DRD3: variants seen among roughly 807,000 people sequenced by gnomAD.
DRD3 encodes dopamine receptor D3, also known as D(3) dopamine receptor.
A neutral mutation model predicts 36.3 loss-of-function variants in DRD3; 19 were observed. The ratio of observed to expected loss-of-function variants is 0.52; its 90% CI spans 0.36 to 0.77. The LOEUF (loss-of-function observed/expected upper bound fraction) is 0.77, where lower values mean the gene tolerates loss of function less well. Among genes scored for constraint, DRD3 ranks in the 30% least tolerant of loss-of-function variants. DRD3 has a pLI of 0.00. For synonymous variants in DRD3, 195 were observed against 203.7 expected, an observed-to-expected ratio of 0.96 and a Z score of 0.36; for missense variants, 465 against 505.3, an observed-to-expected ratio of 0.92 and a Z score of 0.77.
intron 4 of DRD3, among the ~76,000 whole-genome samples, chr3:114,140,176 C>A (rs1162405500): frequency 2.0e-5 from 3 of 152,142 alleles, no homozygotes; most frequent in Non-Finnish European, 4.4e-5. Flanking sequence ...AAGGAAGAAG[C>A]CTTATTTGCT....
intron 3 of DRD3, among the ~76,000 whole-genome samples, chr3:114,153,588 G>T (rs2077638268): frequency 6.6e-6 from 1 of 151,772 alleles, no homozygotes; most frequent in African/African-American, 2.4e-5. Context: ...GAGAACTGAG[G>T]CTCTGACAGG....
chr3:114,177,344 A>G (rs937160130), intron 1 of DRD3, among the ~76,000 whole-genome samples: 6 of 152,162 alleles, frequency 3.9e-5, no homozygotes, highest in Non-Finnish European at 5.9e-5. Context: ...GCACATTTAC[A>G]TTGTTGGTAA....
chr3:114,183,784 T>A (rs1293353265), upstream of DRD3, among the ~76,000 whole-genome samples: 1 of 152,142 alleles, frequency 6.6e-6, no homozygotes, highest in African/African-American at 2.4e-5. Flanking sequence ...TCCTTTTCCA[T>A]CTTTTCACTT....
Position 114,139,917 on chromosome 3 carries a change from C to CA in DRD3, c.527-222dup, listed in dbSNP as rs1267117056. 5.9e-5 allele frequency among the ~76,000 whole-genome samples: 9 copies of CA among 152,188 alleles called. No homozygotes were observed. The South Asian group carries it at 8.3e-4, about 14-fold the overall frequency. ...CTTGCTTAAAATAAAAAGTTACCAACAATCATACGCCAGACACTGGGGCTA... is the reference window on the plus strand; with the variant it reads ...CTTGCTTAAAATAAAAAGTTACCAACAAATCATACGCCAGACACTGGGGCTA... On this transcript the variant is annotated intron_variant, in intron 4 of 6. Transcript: ENST00000383673.
At chr3:114,175,626 G>C (rs1272915435) in intron 1 of DRD3, among the ~76,000 whole-genome samples, 1 of 152,138 alleles carries the variant, frequency 6.6e-6, no homozygotes, top group Non-Finnish European at 1.5e-5. Flanking sequence ...CTGCTATAAA[G>C]GATCTAAGAT....
chr3:114,131,052 A>G (rs1361348266), intron 6 of DRD3, 66 bp downstream of exon 6: 32 of 1,539,850 alleles, frequency 2.1e-5, no homozygotes, highest in East Asian at 4.5e-5. Flanking sequence ...AGCATCTTCT[A>G]CCAGCTCCAC....
At chr3:114,166,897 A>G (rs2077790705) in intron 2 of DRD3, among the ~76,000 whole-genome samples, 1 of 152,236 alleles carries the variant, frequency 6.6e-6, no homozygotes, top group Non-Finnish European at 1.5e-5. Flanking sequence ...GACTTTTATC[A>G]AAATCCAGAG....
At chr3:114,185,893 T>C (rs6794036) in intron 1 of DRD3, among the ~76,000 whole-genome samples, 3,863 of 152,266 alleles carry the variant, frequency 0.025, 180 homozygotes, top group African/African-American at 0.088. Flanking sequence ...CCCAGGCTGG[T>C]GTCTTGTAAT....
chr3:114,150,864 T>A (rs2077610969), intron 3 of DRD3, among the ~76,000 whole-genome samples: 1 of 152,188 alleles, frequency 6.6e-6, no homozygotes, highest in Non-Finnish European at 1.5e-5. Flanking sequence ...GTGCATCTTG[T>A]TGTAGAGTAG....
intron 1 of DRD3, among the ~76,000 whole-genome samples, chr3:114,173,638 G>A (rs754998642): frequency 5.1e-4 from 77 of 152,170 alleles, no homozygotes; most frequent in Non-Finnish European, 9.1e-4. Flanking sequence ...TAGGGGTGGG[G>A]GCCCAGCTTC....
At position 114,139,492 on chromosome 3, in the gene DRD3, G is replaced by A. The variant is rs1343210325; in HGVS notation, c.723+8C>T. 3.7e-6 allele frequency: 6 copies of A among 1,611,594 alleles called. No individual in the cohort carries two copies. The highest frequency in any genetic ancestry group is 4.5e-5 in the East Asian group (2 of 44,876). The stretch of plus-strand genomic sequence containing the variant: ...TTGTCTTCCCTCTACCCCCTCCAGG[G>A]TACTTACTTGCTGGGGGAAGCCAGG... On this transcript the variant is annotated splice_region_variant and intron_variant, in intron 5 of 6. Coordinates refer to ENST00000383673, the MANE Select transcript of DRD3 (RefSeq NM_000796.6).
intron 1 of DRD3, among the ~76,000 whole-genome samples, chr3:114,186,559 A>G (rs2107901213): frequency 6.6e-6 from 1 of 152,344 alleles, no homozygotes; most frequent in Non-Finnish European, 1.5e-5. Flanking sequence ...ATCAGACCAT[A>G]GTTCCCCTCT....
upstream of DRD3, among the ~76,000 whole-genome samples, chr3:114,183,293 G>T (rs1464180352): frequency 6.6e-6 from 1 of 152,134 alleles, no homozygotes; most frequent in Non-Finnish European, 1.5e-5. Flanking sequence ...GGAAGACTTT[G>T]TATGACATTT....
chr3:114,156,469 G>GTT (rs146935421), intron 3 of DRD3, among the ~76,000 whole-genome samples: 21 of 145,016 alleles, frequency 1.4e-4, no homozygotes, highest in East Asian at 8.0e-4. Context: ...ACCTTTTGCC[G>GTT]TTTTTTTTTT....
chr3:114,163,370 T>C (rs918366295), intron 2 of DRD3, among the ~76,000 whole-genome samples: 1 of 152,124 alleles, frequency 6.6e-6, no homozygotes, highest in Non-Finnish European at 1.5e-5. Context: ...TTCTCACACA[T>C]TTTCTCATCA....
chr3:114,187,396 A>ATT (rs1358177196), intron 1 of DRD3, among the ~76,000 whole-genome samples: 1 of 152,144 alleles, frequency 6.6e-6, no homozygotes, highest in Non-Finnish European at 1.5e-5. Context: ...TCTGCAATCC[A>ATT]TTTTCTGTGG....
chr3:114,171,713 G>A lies in DRD3; in HGVS notation c.270+10C>T, dbSNP rs777035682. 6.3e-7 allele frequency: 1 copy of A among 1,581,994 alleles called. No individual in the cohort carries two copies. The highest frequency in any genetic ancestry group is 8.6e-7 in the Non-Finnish European group (1 of 1,163,384). ...GTCATAGAGACAACATGCACCTGAA[G>A]TCTACTCACCTCCAGGTATACCACC... On this transcript the variant is annotated intron_variant, in intron 2 of 6. Transcript: ENST00000383673.
intron 3 of DRD3, among the ~76,000 whole-genome samples, chr3:114,151,740 A>C (rs1288512642): frequency 6.6e-6 from 1 of 152,190 alleles, no homozygotes; most frequent in Non-Finnish European, 1.5e-5. Flanking sequence ...TATGAGCCCA[A>C]GGTTCTGCAG....
At chr3:114,189,189 C>G (rs2077990567) in intron 1 of DRD3, among the ~76,000 whole-genome samples, 1 of 151,872 alleles carries the variant, frequency 6.6e-6, no homozygotes, top group South Asian at 2.1e-4. Context: ...CATTTTAATC[C>G]AGCCTATATC....
Sources: gnomAD v4.1 joint callset for allele counts (sites outside exome capture counted in the v4.1 genomes callset) on GRCh38, gnomAD v4.1.1 for gene constraint, MANE v1.5 for transcripts, NCBI Gene and HGNC (gene_info 2026-07-23, HGNC 2026-07-21) for gene names.